The following CHD1L variants were observed in gnomAD, a reference collection of about 807,000 sequenced individuals.
The protein encoded by CHD1L is chromodomain helicase DNA binding protein 1 like.
In CHD1L, 118 loss-of-function variants were observed where a neutral mutation model predicts 115.9. The ratio of observed to expected loss-of-function variants is 1.02; its 90% CI spans 0.88 to 1.19. The LOEUF (loss-of-function observed/expected upper bound fraction) is 1.19. Ranked by LOEUF, CHD1L falls within the 50% of genes most tolerant of loss-of-function variation. The probability of loss-of-function intolerance (pLI) is 0.00; values close to 1 mark genes in which losing one functional copy is unlikely to be tolerated. For missense variants in CHD1L, 1,179 were observed against 1,065.3 expected, an observed-to-expected ratio of 1.11 and a Z score of -1.49; for synonymous variants, 411 against 387.1, an observed-to-expected ratio of 1.06 and a Z score of -0.72.
intron 10 of CHD1L, among the ~76,000 whole-genome samples, chr1:147,269,998 T>G (rs1404554645): frequency 1.3e-5 from 2 of 152,122 alleles, no homozygotes; most frequent in Non-Finnish European, 2.9e-5. Flanking sequence ...TTCTGGCCAG[T>G]TTTTTATTTC....
chr1:147,196,869 C>A, the CHD1L span, among the ~76,000 whole-genome samples: 9 of 152,094 alleles, frequency 5.9e-5, no homozygotes, highest in African/African-American at 2.2e-4. Context: ...TGTGAAATTT[C>A]ATTTAAGTCT....
At position 147,279,745 on chromosome 1, in the gene CHD1L, C is replaced by A. The variant is rs587724645; in HGVS notation, c.1540-281C>A. ...GAAAATGCAGGAAGTTACTATTATT[C>A]TTCAAAAAAATTGGAGGCTTATACA... On this transcript the variant is annotated intron_variant, in intron 14 of 22. Transcript: ENST00000369258. Among the ~76,000 whole-genome samples the A allele has an allele frequency of 3.7e-4, 57 of 152,180 alleles. No individual in the cohort carries two copies. In the Middle Eastern group the frequency reaches 0.017, roughly 45 times the overall value.
intron 2 of CHD1L, 127 bp downstream of exon 2, chr1:147,252,862 A>G (rs1668868120): frequency 1.3e-6 from 1 of 746,552 alleles, no homozygotes; most frequent in East Asian, 2.6e-5. Context: ...ATCCAGGCTA[A>G]CTGGCTCTTG....
At chr1:147,228,190 T>A in the CHD1L span, among the ~76,000 whole-genome samples, 1 of 149,814 alleles carries the variant, frequency 6.7e-6, no homozygotes, top group Admixed American at 6.7e-5. Flanking sequence ...CCCCAGTGTG[T>A]CATGTTCCCC....
rs782194378 is a variant in CHD1L, at chr1:147,286,439, T to C, written c.2160T>C (p.Val720=). Residue 720 remains valine, a synonymous_variant, in exon 18 of 23, where the codon GTT becomes GTC. Transcript: ENST00000369258. Reference sequence around the variant, plus strand: ...CAGATGCTACTTCCCTCAAGTACGTTAGTGGTGATGTCACCCACCCTCAGG... The same window carrying C: ...CAGATGCTACTTCCCTCAAGTACGTCAGTGGTGATGTCACCCACCCTCAGG... ...QDPDATSLKY[V]SGDVTHPQAG... The C allele has an allele frequency of 1.2e-6, 2 of 1,614,146 alleles. No individual in the cohort carries two copies. Among genetic ancestry groups the C allele is most frequent in the African/African-American group, 2.7e-5 (2 of 75,048 alleles).
At chr1:147,235,119 G>GTGTGTGTA in the CHD1L span, among the ~76,000 whole-genome samples, 1 of 148,904 alleles carries the variant, frequency 6.7e-6, no homozygotes, top group African/African-American at 2.4e-5. Context: ...GTGTGTGTGT[G>GTGTGTGTA]TGTATGTGTG....
At position 147,270,956 on chromosome 1, in the gene CHD1L, C is replaced by T; in HGVS notation, c.1110C>T (p.Ser370=). 1 of 1,613,858 alleles carries T rather than the reference C, an allele frequency of 6.2e-7. No individual in the cohort carries two copies. The highest frequency in any genetic ancestry group is 8.5e-7 in the Non-Finnish European group (1 of 1,179,960). The change falls in exon 11 of 23, where the codon TCC becomes TCT. Residue 370 remains serine, a synonymous_variant. Transcript: ENST00000369258. ...GGGGCCATCGGGTTTTACTTTTCTC[C>T]CAAATGACCCAGATGTTGGATATTC... ...YSGGHRVLLF[S]QMTQMLDILQ...
At chr1:147,238,409 TG>T (rs1207545585), upstream of CHD1L, among the ~76,000 whole-genome samples, 1 of 152,238 alleles carries the variant, frequency 6.6e-6, no homozygotes, top group African/African-American at 2.4e-5. Context: ...TCTTAATCTG[TG>T]CTTAATCCAT....
At chr1:147,282,491 T>C (rs1045441163) in intron 15 of CHD1L, among the ~76,000 whole-genome samples, 17 of 152,276 alleles carry the variant, frequency 1.1e-4, no homozygotes, top group African/African-American at 4.1e-4. Context: ...GCACCTGTGT[T>C]TTGTTTCCAT....
chr1:147,293,825 C>T, intron 21 of CHD1L, 103 bp downstream of exon 21: 1 of 920,382 alleles, frequency 1.1e-6, no homozygotes, highest in Non-Finnish European at 1.7e-6. Flanking sequence ...ACTTAATATG[C>T]ACGGTAAAGG....
At position 147,294,465 on chromosome 1, in the gene CHD1L, A is replaced by G; in HGVS notation, c.2563A>G (p.Thr855Ala). The stretch of plus-strand genomic sequence containing the variant: ...CACGAAAGGTTTTAACTGGTATGGT[A>G]CTGAGCGACTTATTCGGAAACATCT... ...HATKGFNWYG[T>A]ERLIRKHLAA... Residue 855 changes from threonine to alanine, a missense_variant, in exon 22 of 23, where the codon ACT becomes GCT. Physicochemically the swap from Thr to Ala is moderately conservative, Grantham distance 58 (BLOSUM62 0). Transcript: ENST00000369258. 6.2e-7 allele frequency: 1 copy of G among 1,613,492 alleles called. No individual in the cohort carries two copies. Among genetic ancestry groups the G allele is most frequent in the South Asian group, 1.1e-5 (1 of 90,948 alleles).
At position 147,286,424 on chromosome 1, in the gene CHD1L, T is replaced by C. The variant is rs1553965892; in HGVS notation, c.2145T>C (p.Thr715=). The stretch of plus-strand genomic sequence containing the variant: ...TGGATTACCAAGACCCAGATGCTAC[T>C]TCCCTCAAGTACGTTAGTGGTGATG... ...AELDYQDPDA[T]SLKYVSGDVT... Residue 715 remains threonine (T), a synonymous_variant, in exon 18 of 23, where the codon ACT becomes ACC. Transcript: ENST00000369258. The C allele has an allele frequency of 1.9e-6, 3 of 1,614,176 alleles. No individual in the cohort carries two copies. Among genetic ancestry groups the C allele is most frequent in the South Asian group, 2.2e-5 (2 of 91,086 alleles).
chr1:147,270,598 GC>G (rs147260468), intron 10 of CHD1L, among the ~76,000 whole-genome samples: 2,131 of 151,908 alleles, frequency 0.014, 42 homozygotes, highest in African/African-American at 0.049. Flanking sequence ...TAAAATGAAA[GC>G]TTATATTTCT....
In CHD1L at chr1:147,276,132, C is replaced by A; in HGVS notation, c.1414C>A (p.Arg472=). 6.2e-7 allele frequency: 1 copy of A among 1,614,036 alleles called. No individual in the cohort carries two copies. The highest frequency in any genetic ancestry group is 8.5e-7 in the Non-Finnish European group (1 of 1,179,996). The part of the protein sequence containing the change: ...KSVKVIRLIG[R]DTVEEIVYRK... ...TGTTAAAGTTATTCGGCTGATTGGTCGAGACACTGTGGAAGAAATAGTCTA... is the reference window on the plus strand; with the variant it reads ...TGTTAAAGTTATTCGGCTGATTGGTAGAGACACTGTGGAAGAAATAGTCTA... Residue 472 remains arginine (R), a synonymous_variant, in exon 14 of 23, where the codon CGA becomes AGA. Coordinates refer to ENST00000369258, the MANE Select transcript of CHD1L (RefSeq NM_004284.6).
At chr1:147,217,497 T>C in the CHD1L span, among the ~76,000 whole-genome samples, 3 of 152,242 alleles carry the variant, frequency 2.0e-5, no homozygotes, top group Non-Finnish European at 4.4e-5. Context: ...TTATGAAACA[T>C]TAAATAGCCA....
At chr1:147,202,954 C>G in the CHD1L span, among the ~76,000 whole-genome samples, 5 of 152,238 alleles carry the variant, frequency 3.3e-5, no homozygotes, top group Middle Eastern at 3.4e-3. Context: ...CCAGATGATA[C>G]AATTGTCTTT....
intron 1 of CHD1L, among the ~76,000 whole-genome samples, chr1:147,245,261 AT>A (rs1330747404): frequency 6.6e-6 from 1 of 152,132 alleles, no homozygotes; most frequent in Non-Finnish European, 1.5e-5. Context: ...TGACTGGGAG[AT>A]TTGGAAGGGG....
the CHD1L span, among the ~76,000 whole-genome samples, chr1:147,223,380 T>C: frequency 1.3e-5 from 2 of 152,250 alleles, no homozygotes; most frequent in African/African-American, 4.8e-5. Flanking sequence ...TGCAAAAGGA[T>C]TGTATTTCGG....
chr1:147,248,935 A>T (rs1410826459), intron 1 of CHD1L, among the ~76,000 whole-genome samples: 1 of 152,174 alleles, frequency 6.6e-6, no homozygotes, highest in East Asian at 1.9e-4. Context: ...CACATCAGAC[A>T]CTGTTATAAT....
Sources: allele counts gnomAD v4.1 joint callset (sites outside exome capture counted in the v4.1 genomes callset), GRCh38; gene constraint gnomAD v4.1.1; transcripts MANE v1.5; gene names NCBI Gene and HGNC (gene_info 2026-07-23, HGNC 2026-07-21).